NALF1: variants seen among roughly 807,000 people sequenced by gnomAD.
NALF1 encodes the protein NALCN channel auxiliary factor 1, also known as family with sequence similarity 155 member A.
In NALF1, 3 loss-of-function variants were observed where a neutral mutation model predicts 48.4. The observed-to-expected ratio is 0.06, with a 90% CI of 0.03 to 0.16. The LOEUF (loss-of-function observed/expected upper bound fraction) is 0.16. Ranked by LOEUF, NALF1 falls within the 10% of genes least tolerant of loss-of-function variation. The pLI, the probability that NALF1 is intolerant of heterozygous loss-of-function variation, is 1.00. For synonymous variants in NALF1, 262 were observed against 245.7 expected (o/e 1.07, Z -0.62); for missense variants, 526 against 571.5 (o/e 0.92, Z 0.81).
intron 1 of NALF1, among the ~76,000 whole-genome samples, chr13:107,766,820 A>AC (rs1223195278): frequency 6.6e-6 from 1 of 152,226 alleles, no homozygotes; most frequent in Non-Finnish European, 1.5e-5. Flanking sequence ...GTGGACTCCT[A>AC]CTTCAGTCTT....
chr13:107,701,279 A>G lies in NALF1; in HGVS notation c.915+164403T>C, dbSNP rs530549417. Among the ~76,000 whole-genome samples, 5 of 152,330 alleles carry G rather than the reference A, an allele frequency of 3.3e-5. No individual in the cohort carries two copies. The East Asian group carries it at 9.6e-4, about 29-fold the overall frequency. ...AATAGATAAAGCAAATGTGGTATAT[A>G]TAATACAATGAAATACTATTCAGCT... On this transcript the variant is annotated intron_variant, in intron 1 of 2. Transcript: ENST00000375915.
At position 107,553,931 on chromosome 13, in the gene NALF1, A is replaced by G. The variant is rs77696400; in HGVS notation, c.915+311751T>C. 2.6e-3 allele frequency among the ~76,000 whole-genome samples: 403 copies of G among 152,352 alleles called. 1 individual carries two copies. Among genetic ancestry groups the G allele is most frequent in the African/African-American group, 7.9e-3 (327 of 41,586 alleles). On this transcript the variant is annotated intron_variant, in intron 1 of 2. Transcript: ENST00000375915. ...CCTGGCAAAGTCCACATCGTCTTTA[A>G]AAGAGCATATCCATGCACTGACACA...
intron 1 of NALF1, among the ~76,000 whole-genome samples, chr13:107,296,004 T>C (rs1391337858): frequency 3.3e-5 from 5 of 152,212 alleles, no homozygotes. Context: ...CCAGAATACA[T>C]TGTGAAAATT....
chr13:107,718,914 T>C (rs187484027), intron 1 of NALF1, among the ~76,000 whole-genome samples: 2 of 152,342 alleles, frequency 1.3e-5, no homozygotes, highest in African/African-American at 4.8e-5. Flanking sequence ...CAGGCAGATA[T>C]AGAACATTCC....
chr13:107,725,089 G>A (rs191780111), intron 1 of NALF1, among the ~76,000 whole-genome samples: 7 of 152,174 alleles, frequency 4.6e-5, no homozygotes, highest in Non-Finnish European at 7.4e-5. Context: ...ACAATTGACC[G>A]TTGTTTCACA....
At chr13:107,483,781 A>C (rs577205180) in intron 1 of NALF1, among the ~76,000 whole-genome samples, 2 of 137,486 alleles carry the variant, frequency 1.5e-5, no homozygotes, top group Non-Finnish European at 1.6e-5. Context: ...TAGTATTCAA[A>C]ATGTCAGCAA....
chr13:107,467,964 C>T (rs955712124), intron 1 of NALF1, among the ~76,000 whole-genome samples: 1 of 150,450 alleles, frequency 6.6e-6, no homozygotes, highest in Non-Finnish European at 1.5e-5. Context: ...AGGAGAATGG[C>T]GTGAACCCGG....
chr13:107,484,411 A>G (rs1885297011), intron 1 of NALF1, among the ~76,000 whole-genome samples: 1 of 152,196 alleles, frequency 6.6e-6, no homozygotes, highest in South Asian at 2.1e-4. Flanking sequence ...CTTTCATATT[A>G]TGAAATCCCC....
chr13:107,691,958 T>C (rs1415827740), intron 1 of NALF1, among the ~76,000 whole-genome samples: 1 of 152,218 alleles, frequency 6.6e-6, no homozygotes, highest in Non-Finnish European at 1.5e-5. Flanking sequence ...TCTTTTTATC[T>C]TAATCTCTGA....
At chr13:107,747,951 A>G (rs1393826491) in intron 1 of NALF1, among the ~76,000 whole-genome samples, 2 of 152,174 alleles carry the variant, frequency 1.3e-5, no homozygotes, top group Non-Finnish European at 2.9e-5. Flanking sequence ...CTCACCAAAT[A>G]TTTTCCCCAT....
intron 1 of NALF1, among the ~76,000 whole-genome samples, chr13:107,580,058 T>C (rs931896165): frequency 4.6e-5 from 7 of 151,850 alleles, no homozygotes; most frequent in Non-Finnish European, 8.8e-5. Context: ...AAATGTCCAA[T>C]AATGATAGAC....
intron 1 of NALF1, among the ~76,000 whole-genome samples, chr13:107,235,509 C>T (rs897126435): frequency 6.6e-5 from 10 of 152,204 alleles, no homozygotes; most frequent in Non-Finnish European, 1.5e-5. Flanking sequence ...AACCCATGCA[C>T]ATCCTCCCAT....
chr13:107,295,719 A>T (rs887748421), intron 1 of NALF1, among the ~76,000 whole-genome samples: 29 of 152,232 alleles, frequency 1.9e-4, no homozygotes, highest in African/African-American at 6.3e-4. Context: ...AAATGGAAGC[A>T]TTGGATTACT....
intron 1 of NALF1, among the ~76,000 whole-genome samples, chr13:107,407,089 C>G (rs1180478503): frequency 6.6e-6 from 1 of 151,888 alleles, no homozygotes; most frequent in Non-Finnish European, 1.5e-5. Context: ...ACTCAGACCC[C>G]CATCGCTCAC....
intron 1 of NALF1, among the ~76,000 whole-genome samples, chr13:107,846,606 G>A (rs1566504571): frequency 6.6e-6 from 1 of 152,094 alleles, no homozygotes; most frequent in Non-Finnish European, 1.5e-5. Flanking sequence ...TGAGGATCAA[G>A]GACTAAAGAC....
chr13:107,715,890 G>C (rs1875801465), intron 1 of NALF1, among the ~76,000 whole-genome samples: 2 of 152,144 alleles, frequency 1.3e-5, no homozygotes, highest in South Asian at 4.2e-4. Context: ...TCATAAAGGG[G>C]GATAGAATTC....
At chr13:107,391,567 A>G (rs1883627586) in intron 1 of NALF1, among the ~76,000 whole-genome samples, 1 of 152,078 alleles carries the variant, frequency 6.6e-6, no homozygotes, top group South Asian at 2.1e-4. Flanking sequence ...TTTAGGTCTG[A>G]TAAGAAACAC....
At chr13:107,824,836 T>C (rs917042476) in intron 1 of NALF1, among the ~76,000 whole-genome samples, 1 of 152,240 alleles carries the variant, frequency 6.6e-6, no homozygotes, top group Non-Finnish European at 1.5e-5. Context: ...TGCGTAGTCA[T>C]AAATCATGTT....
At chr13:107,335,927 AT>A (rs138586740) in intron 1 of NALF1, among the ~76,000 whole-genome samples, 9,645 of 150,766 alleles carry the variant, frequency 0.064, 583 homozygotes, top group East Asian at 0.16. Flanking sequence ...CCAAATATTA[AT>A]TTTTTTTTTC....
Sources: allele counts gnomAD v4.1 joint callset (sites outside exome capture counted in the v4.1 genomes callset), GRCh38; gene constraint gnomAD v4.1.1; transcripts MANE v1.5; gene names NCBI Gene and HGNC (gene_info 2026-07-23, HGNC 2026-07-21).